ADCY9: variants seen among roughly 807,000 people sequenced by gnomAD.
ADCY9 encodes the protein adenylate cyclase 9.
A neutral mutation model predicts 101.5 loss-of-function variants in ADCY9; 50 were observed. The observed-to-expected ratio is 0.49, with a 90% CI of 0.39 to 0.62. The LOEUF is 0.62. ADCY9 is among the 20% of genes least tolerant of loss of function. The probability of loss-of-function intolerance (pLI) is 0.00; values close to 1 mark genes in which losing one functional copy is unlikely to be tolerated. For synonymous variants in ADCY9, 905 were observed against 769.3 expected (o/e 1.18, Z -2.92); for missense variants, 1,662 against 1,800.4 (o/e 0.92, Z 1.39).
chr16:3,960,832 T>C (rs925615959), downstream of ADCY9, among the ~76,000 whole-genome samples: 4 of 152,174 alleles, frequency 2.6e-5, no homozygotes, highest in African/African-American at 9.7e-5. Flanking sequence ...AAAAAACAAT[T>C]TTTAAAAAGG....
intron 2 of ADCY9, among the ~76,000 whole-genome samples, chr16:4,087,332 C>T (rs192271983): frequency 1.3e-5 from 2 of 151,694 alleles, no homozygotes; most frequent in Non-Finnish European, 2.9e-5. Flanking sequence ...ACCAGGAGTT[C>T]GAGACCAGCC....
intron 2 of ADCY9, among the ~76,000 whole-genome samples, chr16:4,109,687 C>T (rs947040427): frequency 6.6e-6 from 1 of 152,222 alleles, no homozygotes; most frequent in Admixed American, 6.5e-5. Flanking sequence ...CATCAAGCTG[C>T]TCTTCCTAAT....
At chr16:4,097,549 A>ATTTTTTTT (rs71394654) in intron 2 of ADCY9, among the ~76,000 whole-genome samples, 2 of 48,240 alleles carry the variant, frequency 4.1e-5, no homozygotes, top group Non-Finnish European at 7.3e-5. Context: ...ATATATATAT[A>ATTTTTTTT]TATATTTTTT....
Position 4,114,557 on chromosome 16 carries a change from C to T in ADCY9, c.886G>A (p.Val296Ile). Residue 296 changes from valine to isoleucine, a missense_variant, in exon 2 of 11, where the codon GTC becomes ATC. By Grantham distance (29) the Val-to-Ile change is conservative (BLOSUM62 3). Around this residue, in one of 5 missense-constraint regions of ADCY9, gnomAD observed 422 missense variants for 392.0 expected, o/e 1.08. Coordinates refer to ENST00000294016, the MANE Select transcript of ADCY9 (RefSeq NM_001116.4). The surrounding 1 kb of genome is among the most constrained non-coding windows in gnomAD (Gnocchi z 4.3). ...LLHGCIHAIG[V>I]HLFVMSQVRS... ...ACCTGGGACATGACGAACAGGTGGA[C>T]CCCGATGGCGTGGATGCAGCCGTGG... 6.2e-7 allele frequency: 1 copy of T among 1,614,102 alleles called. No homozygotes were observed. The highest frequency in any genetic ancestry group is 8.5e-7 in the Non-Finnish European group (1 of 1,180,046).
intron 2 of ADCY9, among the ~76,000 whole-genome samples, chr16:4,033,257 CAG>C: frequency 6.6e-6 from 1 of 152,188 alleles, no homozygotes; most frequent in East Asian, 1.9e-4. Context: ...ACAAAAATGA[CAG>C]AGACAAAAAA....
In ADCY9 at chr16:3,979,234, C is replaced by A. The variant is rs142198070; in HGVS notation, c.2561G>T (p.Arg854Leu). 6.2e-7 allele frequency: 1 copy of A among 1,614,046 alleles called. No individual in the cohort carries two copies. Among genetic ancestry groups the A allele is most frequent in the East Asian group, 2.2e-5 (1 of 44,880 alleles). ...CCAGCCGGCGATCCACTCCAGCAGG[C>A]GCTTGGTGCAGGCCATGACGTCCTC... ...FLEDVMACTK[R>L]LLEWIAGWLP... The change falls in exon 8 of 11, where the codon CGC becomes CTC. Residue 854 changes from arginine (R) to leucine (L), a missense_variant. Transcript: ENST00000294016.
intron 2 of ADCY9, among the ~76,000 whole-genome samples, chr16:4,096,423 T>A (rs867204860): frequency 6.6e-6 from 1 of 152,282 alleles, no homozygotes; most frequent in African/African-American, 2.4e-5. Flanking sequence ...GTGGAGGAAA[T>A]GTATTAAGAC....
chr16:4,029,061 A>C (rs1448503990), intron 2 of ADCY9, among the ~76,000 whole-genome samples: 4 of 152,046 alleles, frequency 2.6e-5, no homozygotes, highest in African/African-American at 9.7e-5. Context: ...GGGATTACAG[A>C]CGTGAGCCAC....
chr16:4,010,380 G>A (rs891706994), intron 2 of ADCY9, among the ~76,000 whole-genome samples: 9 of 152,230 alleles, frequency 5.9e-5, no homozygotes, highest in African/African-American at 1.4e-4. Context: ...CATTCACAGC[G>A]CTCAGCACGG....
intron 6 of ADCY9, chr16:3,983,668 C>T: frequency 1.8e-6 from 1 of 556,292 alleles, no homozygotes; most frequent in Non-Finnish European, 3.2e-6. Context: ...GTGGCTCACG[C>T]CTGTAATCCC....
intron 10 of ADCY9, among the ~76,000 whole-genome samples, chr16:3,972,386 C>T (rs529003713): frequency 4.6e-5 from 7 of 152,060 alleles, no homozygotes; most frequent in South Asian, 2.1e-4. Context: ...CCCGCCACCA[C>T]GTCCAGCTAA....
intron 2 of ADCY9, among the ~76,000 whole-genome samples, chr16:4,010,276 C>T (rs989062220): frequency 6.6e-6 from 1 of 151,982 alleles, no homozygotes; most frequent in African/African-American, 2.4e-5. Flanking sequence ...AAGAGAAAGT[C>T]AAGATGGCCT....
At chr16:4,090,274 C>G (rs2056965187) in intron 2 of ADCY9, among the ~76,000 whole-genome samples, 1 of 152,120 alleles carries the variant, frequency 6.6e-6, no homozygotes, top group South Asian at 2.1e-4. Context: ...GACCTTGCCC[C>G]TTCCTTTGCC....
intron 2 of ADCY9, among the ~76,000 whole-genome samples, chr16:4,041,755 G>GGT (rs1274334787): frequency 0.013 from 1,826 of 135,954 alleles, 49 homozygotes; most frequent in African/African-American, 0.047. Context: ...GATTTTTTTT[G>GGT]TTTTTTTTTT....
intron 2 of ADCY9, among the ~76,000 whole-genome samples, chr16:4,060,632 G>GA (rs879784027): frequency 7.5e-5 from 11 of 147,650 alleles, no homozygotes; most frequent in South Asian, 2.1e-4. Flanking sequence ...TTAAAAATAA[G>GA]AAAAAAAAAA....
At chr16:4,100,868 G>C (rs1369995611) in intron 2 of ADCY9, among the ~76,000 whole-genome samples, 2 of 152,140 alleles carry the variant, frequency 1.3e-5, no homozygotes, top group Non-Finnish European at 2.9e-5. Flanking sequence ...TTTCACAGTG[G>C]CTGAGACAGC....
rs141151498 is a variant in ADCY9, at chr16:3,968,421, C to T, written c.2871-1455G>A. Among the ~76,000 whole-genome samples, 484 of 152,200 alleles carry T rather than the reference C, an allele frequency of 3.2e-3. 7 individuals are homozygous for T. The highest frequency in any genetic ancestry group is 1.9e-3 in the Non-Finnish European group (131 of 68,012). On this transcript the variant is annotated intron_variant, in intron 10 of 10. Transcript: ENST00000294016. ...TGCTGGGATTACAGGTGTGAGCCAC[C>T]GCGCCTGGCCTTGGTTCTTAGATTT...
chr16:4,097,487 T>TATATATACAC (rs76750792), intron 2 of ADCY9, among the ~76,000 whole-genome samples: 16 of 72,496 alleles, frequency 2.2e-4, no homozygotes, highest in Admixed American at 8.3e-4. Flanking sequence ...TATATATATA[T>TATATATACAC]ACACACACAC....
chr16:3,982,847 C>T, intron 7 of ADCY9: 1 of 214,890 alleles, frequency 4.7e-6, no homozygotes, highest in Non-Finnish European at 9.2e-6. Flanking sequence ...TGCTGTTTGG[C>T]TCCGGTACTC....
Sources: gnomAD v4.1 joint callset for allele counts (sites outside exome capture counted in the v4.1 genomes callset) on GRCh38, gnomAD v4.1.1 for gene constraint, gnomAD v4.1.1 regional missense constraint, Gnocchi (gnomAD v3.1) non-coding constraint, MANE v1.5 for transcripts, NCBI Gene and HGNC (gene_info 2026-07-23, HGNC 2026-07-21) for gene names.